The following C11orf58 variants were observed in gnomAD, a reference collection of about 807,000 sequenced individuals.
C11orf58 encodes small acidic protein.
In C11orf58, 5 loss-of-function variants were observed where a neutral mutation model predicts 22.7. The observed-to-expected ratio is 0.22, with a 90% CI of 0.12 to 0.46. C11orf58 has a LOEUF of 0.46. C11orf58 is among the 20% of genes least tolerant of loss of function. The pLI, the probability that C11orf58 is intolerant of heterozygous loss-of-function variation, is 0.99. For missense variants in C11orf58, 151 were observed against 223.3 expected, an observed-to-expected ratio of 0.68 and a Z score of 2.06; for synonymous variants, 71 against 70.7, an observed-to-expected ratio of 1.00 and a Z score of -0.02.
chr11:16,743,557 C>G (rs935638063), intron 1 of C11orf58, among the ~76,000 whole-genome samples: 2 of 152,138 alleles, frequency 1.3e-5, no homozygotes, highest in Non-Finnish European at 2.9e-5. Context: ...CCTTCTTCGT[C>G]TAATAATGAT....
chr11:16,739,363 G>C (rs181392261), intron 1 of C11orf58: 2 of 157,472 alleles, frequency 1.3e-5, no homozygotes, highest in East Asian at 3.6e-4. Flanking sequence ...ATTGTGCCAC[G>C]GGTGTAATTT....
At chr11:16,750,332 C>G (rs565075198) in intron 3 of C11orf58, 1 of 152,284 alleles carries the variant, frequency 6.6e-6, no homozygotes, top group East Asian at 1.9e-4. Context: ...AAGAAAAAAT[C>G]GTGAACGCAA....
In C11orf58 at chr11:16,757,204, CTG is replaced by C. The variant is rs973019398; in HGVS notation, c.*2103_*2104del. 2.6e-5 allele frequency among the ~76,000 whole-genome samples: 4 copies of C among 152,098 alleles called. No individual in the cohort carries two copies. The highest frequency in any genetic ancestry group is 7.2e-5 in the African/African-American group (3 of 41,436). On this transcript the variant is annotated 3_prime_UTR_variant, in exon 5 of 5. Coordinates refer to ENST00000228136, the MANE Select transcript of C11orf58 (RefSeq NM_014267.6). ...AGTTTGCCCACTGATTTTCAAATGT[CTG>C]TGGGATTGCTTATAACTAAGTAGAA...
intron 1 of C11orf58, among the ~76,000 whole-genome samples, chr11:16,743,661 A>C (rs184812713): frequency 1.1e-4 from 16 of 152,332 alleles, no homozygotes; most frequent in African/African-American, 3.4e-4. Context: ...CTAAAAGTAG[A>C]CAACAGGTAT....
chr11:16,743,787 A>G (rs967859056), intron 1 of C11orf58, among the ~76,000 whole-genome samples: 1 of 152,086 alleles, frequency 6.6e-6, no homozygotes, highest in Non-Finnish European at 1.5e-5. Context: ...TAAATAATGA[A>G]TTATAAATAA....
intron 4 of C11orf58, chr11:16,754,050 T>C: frequency 2.4e-6 from 1 of 416,002 alleles, no homozygotes; most frequent in Non-Finnish European, 4.3e-6. Flanking sequence ...AGTAAAATAT[T>C]TCATTTAGGT....
chr11:16,739,154 C>CT (rs1245478422), intron 1 of C11orf58, among the ~76,000 whole-genome samples: 4 of 152,058 alleles, frequency 2.6e-5, no homozygotes, highest in Admixed American at 6.5e-5. Flanking sequence ...GATGAGAGTG[C>CT]TTTCTCGGGC....
chr11:16,755,226 A>G lies in C11orf58; in HGVS notation c.*122A>G. On this transcript the variant is annotated 3_prime_UTR_variant, in exon 5 of 5. Coordinates refer to ENST00000228136, the MANE Select transcript of C11orf58 (RefSeq NM_014267.6). The stretch of plus-strand genomic sequence containing the variant: ...TTTAAAAAGGCCCTTTTAAATAATT[A>G]CAAAGAGTGTTTGCTTTCAAATGCC... 2 of 1,181,658 alleles carry G rather than the reference A, an allele frequency of 1.7e-6. No individual in the cohort carries two copies. The highest frequency in any genetic ancestry group is 2.4e-6 in the Non-Finnish European group (2 of 844,924). 73.2% of individuals were successfully genotyped at this position (1,181,658 alleles called of 1,614,324 possible).
chr11:16,748,006 G>A, intron 2 of C11orf58, 91 bp from the exon 3 acceptor site: 2 of 945,278 alleles, frequency 2.1e-6, no homozygotes, highest in Non-Finnish European at 3.4e-6. Context: ...CTGTGTCCCA[G>A]AAGCCTAGAA....
rs372154472 is a variant in C11orf58, at chr11:16,739,300, G to A, written c.63+459G>A. ...TGATTTTTACAATGTGCTGTTGAGA[G>A]TTAACTTTAGCTGCACTAGTAAGGG... On this transcript the variant is annotated intron_variant, in intron 1 of 4. Coordinates refer to ENST00000228136, the MANE Select transcript of C11orf58 (RefSeq NM_014267.6). 1.4e-4 allele frequency among the ~76,000 whole-genome samples: 22 copies of A among 152,296 alleles called. No individual in the cohort carries two copies. The South Asian group carries it at 1.7e-3, about 11-fold the overall frequency.
chr11:16,744,703 G>T lies in C11orf58; in HGVS notation c.147+19G>T. ...AGGAAAGGTAAGCATCAGATGGTGT[G>T]CATTTTTACCTTTTCTGTGAAAATA... On this transcript the variant is annotated intron_variant, in intron 2 of 4. Transcript: ENST00000228136. 2 of 1,603,738 alleles carry T rather than the reference G, an allele frequency of 1.2e-6. No homozygotes were observed. The highest frequency in any genetic ancestry group is 4.5e-5 in the East Asian group (2 of 44,700).
At chr11:16,748,993 A>G (rs1012602074) in intron 3 of C11orf58, 3 of 152,286 alleles carry the variant, frequency 2.0e-5, no homozygotes, top group Non-Finnish European at 2.9e-5. Flanking sequence ...ATTAGCATAT[A>G]ATGTCATAGT....
intron 2 of C11orf58, among the ~76,000 whole-genome samples, chr11:16,745,805 C>G (rs1488143267): frequency 6.6e-6 from 1 of 152,114 alleles, no homozygotes; most frequent in Non-Finnish European, 1.5e-5. Flanking sequence ...AATTTATTTT[C>G]CTAACATTGT....
chr11:16,744,423 T>C lies in C11orf58; in HGVS notation c.64-178T>C, dbSNP rs1044129800. On this transcript the variant is annotated intron_variant, in intron 1 of 4. Transcript: ENST00000228136. ...ACTAAAGGATTCTGCTGTGAGGTAA[T>C]AGAAAAGGAGTAAATTTGAATGTGA... 31 of 574,278 alleles carry C rather than the reference T, an allele frequency of 5.4e-5. 1 individual carries two copies. Among genetic ancestry groups the C allele is most frequent in the African/African-American group, 4.7e-4 (25 of 53,118 alleles). The allele number at this position is 574,278 out of a possible 1,614,324, so 35.6% of individuals were successfully genotyped here.
intron 4 of C11orf58, among the ~76,000 whole-genome samples, chr11:16,754,558 T>C (rs1848559912): frequency 2.4e-5 from 2 of 82,912 alleles, no homozygotes; most frequent in Admixed American, 2.5e-4. Flanking sequence ...TTTTTTTTTT[T>C]TTTTTTTTTT....
chr11:16,746,898 G>T (rs1186951759), intron 2 of C11orf58: 1 of 152,272 alleles, frequency 6.6e-6, no homozygotes, highest in Non-Finnish European at 1.5e-5. Flanking sequence ...GCCTCCCAAA[G>T]TGCTGGGATT....
chr11:16,738,890 G>A, intron 1 of C11orf58, 49 bp downstream of exon 1: 1 of 1,600,898 alleles, frequency 6.2e-7, no homozygotes, highest in Non-Finnish European at 8.6e-7. Flanking sequence ...ACTAAAGCCT[G>A]GAGTAGGCCG....
rs558241860 is a variant in C11orf58, at chr11:16,748,016, A to G, written c.148-81A>G. The G allele has an allele frequency of 5.4e-5, 57 of 1,048,312 alleles. No individual in the cohort carries two copies. In the East Asian group the frequency reaches 1.4e-3, roughly 25 times the overall value. 64.9% of individuals were successfully genotyped at this position (1,048,312 alleles called of 1,614,324 possible). A position where few individuals can be genotyped will look rare whatever the true frequency, so the allele number is the denominator to read the frequency against. ...CTTCACTGTGTCCCAGAAGCCTAGA[A>G]TAGTTTTCAGCACATAGTAGATACC... On this transcript the variant is annotated intron_variant, in intron 2 of 4. Transcript: ENST00000228136.
rs1351111092 is a variant in C11orf58, at chr11:16,758,109, ACTC to A, written c.*3014_*3016del. On this transcript the variant is annotated 3_prime_UTR_variant, in exon 5 of 5. Coordinates refer to ENST00000228136, the MANE Select transcript of C11orf58 (RefSeq NM_014267.6). Reference sequence around the variant, plus strand: ...CAATAAAAGTATTCACTTCTAACCAACTCCTCCTCCTTTATACCTGCTCTGTGT... The same window carrying A: ...CAATAAAAGTATTCACTTCTAACCAACTCCTCCTTTATACCTGCTCTGTGT... 2.0e-5 allele frequency among the ~76,000 whole-genome samples: 3 copies of A among 151,906 alleles called. No individual in the cohort carries two copies. Among genetic ancestry groups the A allele is most frequent in the African/African-American group, 4.8e-5 (2 of 41,330 alleles).
Sources: gnomAD v4.1 joint callset for allele counts (sites outside exome capture counted in the v4.1 genomes callset) on GRCh38, gnomAD v4.1.1 for gene constraint, MANE v1.5 for transcripts, NCBI Gene and HGNC (gene_info 2026-07-23, HGNC 2026-07-21) for gene names.